The following OXSR1 variants were observed in gnomAD, a reference collection of about 807,000 sequenced individuals.
OXSR1 encodes the protein oxidative stress responsive kinase 1.
Under a neutral mutation model 79.8 loss-of-function variants are expected in OXSR1, and 24 were observed. That is an observed-to-expected ratio of 0.30 (90% CI 0.22 to 0.42). The LOEUF (loss-of-function observed/expected upper bound fraction) is 0.42. Among genes scored for constraint, OXSR1 ranks in the 10% least tolerant of loss-of-function variants. OXSR1 has a pLI of 1.00. For synonymous variants in OXSR1, 226 were observed against 209.2 expected, an observed-to-expected ratio of 1.08 and a Z score of -0.69; for missense variants, 430 against 618.4, an observed-to-expected ratio of 0.70 and a Z score of 3.23.
intron 4 of OXSR1, among the ~76,000 whole-genome samples, chr3:38,209,825 C>G (rs754229515): frequency 1.1e-4 from 17 of 151,712 alleles, no homozygotes; most frequent in Non-Finnish European, 1.9e-4. Context: ...GGGTTTCACC[C>G]GTTAGCCAGG....
At chr3:38,192,176 A>G (rs552598512) in intron 3 of OXSR1, among the ~76,000 whole-genome samples, 2 of 152,110 alleles carry the variant, frequency 1.3e-5, no homozygotes, top group East Asian at 3.9e-4. Flanking sequence ...CATCAGTTAT[A>G]CTCTATTCTT....
At chr3:38,193,869 A>G (rs1455989411) in intron 3 of OXSR1, among the ~76,000 whole-genome samples, 2 of 152,336 alleles carry the variant, frequency 1.3e-5, no homozygotes, top group East Asian at 3.9e-4. Context: ...ATGAGTCAAC[A>G]TGATCATTAC....
At chr3:38,171,750 G>A (rs1701586588) in intron 1 of OXSR1, among the ~76,000 whole-genome samples, 1 of 151,832 alleles carries the variant, frequency 6.6e-6, no homozygotes, top group South Asian at 2.1e-4. Flanking sequence ...ATGTGTAAAA[G>A]ATGTTAGTAT....
At chr3:38,191,346 G>A (rs1701982571) in intron 3 of OXSR1, among the ~76,000 whole-genome samples, 1 of 152,000 alleles carries the variant, frequency 6.6e-6, no homozygotes, top group Non-Finnish European at 1.5e-5. Flanking sequence ...GATTACAGGT[G>A]TGAGCCATTG....
chr3:38,223,998 A>G (rs1702640372), intron 7 of OXSR1, 85 bp downstream of exon 7: 1 of 742,048 alleles, frequency 1.3e-6, no homozygotes. Context: ...TTTTTTTTTT[A>G]TTGTGGTAAA....
At chr3:38,250,688 A>G (rs1703238409) in intron 15 of OXSR1, among the ~76,000 whole-genome samples, 1 of 152,190 alleles carries the variant, frequency 6.6e-6, no homozygotes, top group Non-Finnish European at 1.5e-5. Flanking sequence ...GCAACTAACC[A>G]CTAAAGAGAA....
intron 5 of OXSR1, among the ~76,000 whole-genome samples, chr3:38,220,362 A>T (rs1310913238): frequency 3.3e-5 from 5 of 152,050 alleles, no homozygotes; most frequent in Non-Finnish European, 7.4e-5. Flanking sequence ...TTCTATTTTC[A>T]TAATTTCTAT....
At chr3:38,218,905 TC>T (rs778514338) in intron 5 of OXSR1, among the ~76,000 whole-genome samples, 1 of 152,174 alleles carries the variant, frequency 6.6e-6, no homozygotes, top group African/African-American at 2.4e-5. Context: ...GACCTTGTCT[TC>T]CTTGATCATT....
chr3:38,242,752 G>T lies in OXSR1; in HGVS notation c.1084G>T (p.Val362Leu). ...TTTGTATTTCGTTTAGTCTCCCCGAGTGAAAGAATCAATATCAAATTCTGA... is the reference window on the plus strand; with the variant it reads ...TTTGTATTTCGTTTAGTCTCCCCGATTGAAAGAATCAATATCAAATTCTGA... ...AAISQLRSPRVKESISNSELF... is the reference protein window; with the variant it reads ...AAISQLRSPRLKESISNSELF... Residue 362 changes from valine (V) to leucine (L), a missense_variant, in exon 12 of 18, where the codon GTG becomes TTG. This residue lies in a region of OXSR1 where 276 missense variants were observed against 354.2 expected (regional missense o/e 0.78). Coordinates refer to ENST00000311806, the MANE Select transcript of OXSR1 (RefSeq NM_005109.3). The T allele has an allele frequency of 6.4e-7, 1 of 1,566,142 alleles. No homozygotes were observed. Among genetic ancestry groups the T allele is most frequent in the Non-Finnish European group, 8.7e-7 (1 of 1,145,470 alleles).
Position 38,230,401 on chromosome 3 carries a change from G to A in OXSR1, c.922G>A (p.Ala308Thr). ...TCTTCAAGAAAAAACATTGCAGAGA[G>A]CACCAACCATTTCTGAAAGAGCAAA... Reference protein sequence around the residue: ...EFLQEKTLQRAPTISERAKKV... With the variant: ...EFLQEKTLQRTPTISERAKKV... The change falls in exon 10 of 18, where the codon GCA (alanine) becomes ACA (threonine). Residue 308 changes from alanine (A) to threonine (T), a missense_variant. Coordinates refer to ENST00000311806, the MANE Select transcript of OXSR1 (RefSeq NM_005109.3). 6.2e-7 allele frequency: 1 copy of A among 1,602,592 alleles called. No individual in the cohort carries two copies. The highest frequency in any genetic ancestry group is 8.5e-7 in the Non-Finnish European group (1 of 1,170,788).
chr3:38,246,107 G>T lies in OXSR1; in HGVS notation c.1143G>T (p.Leu381Phe), dbSNP rs1455282660. 2 of 1,613,656 alleles carry T rather than the reference G, an allele frequency of 1.2e-6. No individual in the cohort carries two copies. The highest frequency in any genetic ancestry group is 1.7e-6 in the Non-Finnish European group (2 of 1,179,722). Residue 381 changes from leucine (L) to phenylalanine (F), a missense_variant, in exon 13 of 18, where the codon TTG becomes TTT. Physicochemically the swap from Leu to Phe is conservative, Grantham distance 22. Transcript: ENST00000311806. Reference sequence around the variant, plus strand: ...CAACAACTGATCCTGTGGGTACTTTGCTCCAAGTTCCAGAACAGATCTCTG... The same window carrying T: ...CAACAACTGATCCTGTGGGTACTTTTCTCCAAGTTCCAGAACAGATCTCTG... ...LFPTTDPVGT[L>F]LQVPEQISAH...
chr3:38,202,179 AAACTG>A (rs1186173963), intron 4 of OXSR1, among the ~76,000 whole-genome samples: 1 of 152,168 alleles, frequency 6.6e-6, no homozygotes, highest in Non-Finnish European at 1.5e-5. Flanking sequence ...ATAAGATAAA[AAACTG>A]AGGAAGCAGA....
At chr3:38,167,379 A>G (rs1444238900) in intron 1 of OXSR1, among the ~76,000 whole-genome samples, 2 of 152,224 alleles carry the variant, frequency 1.3e-5, no homozygotes, top group Non-Finnish European at 2.9e-5. Context: ...TTAGCTATAC[A>G]GGCTCAATCC....
At chr3:38,166,607 A>G (rs1701465602) in intron 1 of OXSR1, among the ~76,000 whole-genome samples, 1 of 152,048 alleles carries the variant, frequency 6.6e-6, no homozygotes, top group African/African-American at 2.4e-5. Flanking sequence ...CCTGGCCAAT[A>G]TGGTGAAACC....
intron 3 of OXSR1, among the ~76,000 whole-genome samples, chr3:38,191,446 T>C (rs34149661): frequency 0.022 from 3,423 of 152,182 alleles, 129 homozygotes; most frequent in African/African-American, 0.077. Flanking sequence ...CTAGTCCAGT[T>C]ATCTTGTAGA....
chr3:38,181,354 G>GTTTTTT (rs1201344941), intron 1 of OXSR1, among the ~76,000 whole-genome samples: 4 of 128,160 alleles, frequency 3.1e-5, no homozygotes, highest in African/African-American at 5.8e-5. Context: ...TGTTTCAAAA[G>GTTTTTT]TTTTTTTTTT....
rs143295444 is a variant in OXSR1 at position 38,245,492 on chromosome 3, C to T, written c.1111-583C>T. ...TTGTAAGAAATACAAAGTCCTCATGCATGGAAAAATATAGCTTCTGTAATT... is the reference window on the plus strand; with the variant it reads ...TTGTAAGAAATACAAAGTCCTCATGTATGGAAAAATATAGCTTCTGTAATT... On this transcript the variant is annotated intron_variant, in intron 12 of 17. Coordinates refer to ENST00000311806, the MANE Select transcript of OXSR1 (RefSeq NM_005109.3). Among the ~76,000 whole-genome samples, 620 of 152,196 alleles carry T rather than the reference C, an allele frequency of 4.1e-3. 5 individuals are homozygous for T. The highest frequency in any genetic ancestry group is 5.4e-3 in the Non-Finnish European group (367 of 68,008).
chr3:38,250,278 G>A (rs1341862400), intron 15 of OXSR1: 1 of 350,280 alleles, frequency 2.9e-6, no homozygotes, highest in Non-Finnish European at 5.2e-6. Context: ...ATTGTCTTAA[G>A]CGTTATCTTA....
At chr3:38,248,928 C>T (rs577173856) in intron 14 of OXSR1, among the ~76,000 whole-genome samples, 1 of 152,258 alleles carries the variant, frequency 6.6e-6, no homozygotes, top group Non-Finnish European at 1.5e-5. Flanking sequence ...AATTAAATGA[C>T]TCCCTTAATA....
Sources: allele counts gnomAD v4.1 joint callset (sites outside exome capture counted in the v4.1 genomes callset), GRCh38; gene constraint gnomAD v4.1.1; regional missense constraint gnomAD v4.1.1; transcripts MANE v1.5; gene names NCBI Gene and HGNC (gene_info 2026-07-23, HGNC 2026-07-21).